ZNF385D: variants seen among roughly 807,000 people sequenced by gnomAD.
The protein encoded by ZNF385D is zinc finger protein 659.
Under a neutral mutation model 35.8 loss-of-function variants are expected in ZNF385D, and 15 were observed. The ratio of observed to expected loss-of-function variants is 0.42; its 90% CI spans 0.28 to 0.64. The LOEUF is 0.64. ZNF385D is among the 30% of genes least tolerant of loss of function. The pLI is 0.23. For missense variants in ZNF385D, 474 were observed against 494.6 expected (o/e 0.96, Z 0.39); for synonymous variants, 212 against 186.8 (o/e 1.13, Z -1.10).
chr3:22,208,089 A>G (rs1453327457), intron 2 of ZNF385D, among the ~76,000 whole-genome samples: 2 of 151,976 alleles, frequency 1.3e-5, no homozygotes, highest in African/African-American at 4.8e-5. Context: ...CATGTACACA[A>G]AAGAAAAGAA....
At chr3:21,956,961 C>T (rs1702322879) in intron 3 of ZNF385D, among the ~76,000 whole-genome samples, 1 of 151,936 alleles carries the variant, frequency 6.6e-6, no homozygotes, top group African/African-American at 2.4e-5. Context: ...TTGTATCTCC[C>T]AGAATTCCGA....
intron 5 of ZNF385D, among the ~76,000 whole-genome samples, chr3:21,428,382 C>T (rs1179456099): frequency 6.6e-6 from 1 of 152,016 alleles, no homozygotes; most frequent in Non-Finnish European, 1.5e-5. Context: ...GGTCACAAAG[C>T]AAGCATTACT....
chr3:21,915,266 T>C (rs933997126), intron 3 of ZNF385D, among the ~76,000 whole-genome samples: 1 of 152,114 alleles, frequency 6.6e-6, no homozygotes, highest in African/African-American at 2.4e-5. Context: ...ACTACAGAAC[T>C]GCTGACACTA....
At chr3:22,206,906 T>G (rs1697194326) in intron 2 of ZNF385D, among the ~76,000 whole-genome samples, 1 of 151,302 alleles carries the variant, frequency 6.6e-6, no homozygotes, top group African/African-American at 2.4e-5. Flanking sequence ...AACAAAGAAA[T>G]AAAGATCAGC....
intron 2 of ZNF385D, among the ~76,000 whole-genome samples, chr3:22,233,376 A>G (rs530199317): frequency 9.7e-4 from 148 of 152,284 alleles, no homozygotes; most frequent in African/African-American, 3.3e-3. Flanking sequence ...AGAAAATCCA[A>G]TCTGTAATGA....
At chr3:22,244,426 ATC>A (rs1247991531) in intron 2 of ZNF385D, among the ~76,000 whole-genome samples, 17 of 149,810 alleles carry the variant, frequency 1.1e-4, no homozygotes, top group African/African-American at 3.7e-4. Flanking sequence ...TAAAATAAAT[ATC>A]AAGTATATTC....
chr3:21,780,053 T>C (rs1156866335), intron 3 of ZNF385D, among the ~76,000 whole-genome samples: 1 of 151,936 alleles, frequency 6.6e-6, no homozygotes, highest in Non-Finnish European at 1.5e-5. Flanking sequence ...CTTTCAGGAT[T>C]TGACTAGCAA....
intron 3 of ZNF385D, among the ~76,000 whole-genome samples, chr3:21,896,896 C>T (rs1028267308): frequency 6.6e-6 from 1 of 151,436 alleles, no homozygotes; most frequent in Admixed American, 6.6e-5. Flanking sequence ...GGCCAAGACA[C>T]AGACTTCTAG....
At position 22,267,255 on chromosome 3, in the gene ZNF385D, G is replaced by A. The variant is rs138536985; in HGVS notation, c.107-98220C>T. The stretch of plus-strand genomic sequence containing the variant: ...GGTTTCAAAAGATAAATAACATACA[G>A]AGTATAAACCAATCTAAAATTTAGG... On this transcript the variant is annotated intron_variant, in intron 2 of 5. Coordinates refer to the ZNF385D transcript ENST00000494108. 1.6e-4 allele frequency among the ~76,000 whole-genome samples: 24 copies of A among 151,922 alleles called. No individual in the cohort carries two copies. The East Asian group carries it at 4.1e-3, about 26-fold the overall frequency.
At chr3:21,978,646 C>T (rs1165786041) in intron 3 of ZNF385D, among the ~76,000 whole-genome samples, 1 of 152,166 alleles carries the variant, frequency 6.6e-6, no homozygotes, top group Non-Finnish European at 1.5e-5. Context: ...TATTCAATTA[C>T]TCTTTTATGA....
Position 21,880,119 on chromosome 3 carries a change from C to CT in ZNF385D, c.326-215092dup, listed in dbSNP as rs1289704658. Reference sequence around the variant, plus strand: ...TGACATTATGGTTTCCTACCTTGGCCTTTTTTAAAGGTTCCAGAAGCATAA... The same window carrying CT: ...TGACATTATGGTTTCCTACCTTGGCCTTTTTTTAAAGGTTCCAGAAGCATAA... On this transcript the variant is annotated intron_variant, in intron 3 of 5. Transcript: ENST00000494108. 4.0e-5 allele frequency among the ~76,000 whole-genome samples: 6 copies of CT among 151,864 alleles called. No individual in the cohort carries two copies. The South Asian group carries it at 6.2e-4, about 16-fold the overall frequency.
At chr3:21,889,769 A>G (rs999699058) in intron 3 of ZNF385D, among the ~76,000 whole-genome samples, 7 of 152,144 alleles carry the variant, frequency 4.6e-5, no homozygotes, top group Non-Finnish European at 7.3e-5. Flanking sequence ...TGGCTTAGAA[A>G]CAGAAATATA....
intron 3 of ZNF385D, among the ~76,000 whole-genome samples, chr3:22,101,283 G>T (rs990257784): frequency 6.6e-6 from 1 of 151,906 alleles, no homozygotes; most frequent in Non-Finnish European, 1.5e-5. Flanking sequence ...TATATAAAGG[G>T]CTATAAGTAA....
chr3:21,942,945 G>A (rs775197495), intron 3 of ZNF385D, among the ~76,000 whole-genome samples: 2 of 152,158 alleles, frequency 1.3e-5, no homozygotes, highest in Non-Finnish European at 2.9e-5. Flanking sequence ...TGCCTTGTAA[G>A]ATGTTATAAC....
intron 2 of ZNF385D, among the ~76,000 whole-genome samples, chr3:22,353,797 A>G (rs1001969094): frequency 6.6e-6 from 1 of 151,990 alleles, no homozygotes; most frequent in Non-Finnish European, 1.5e-5. Context: ...ACACTTTCCT[A>G]TTAACTGAGC....
chr3:21,421,292 C>CGGAGGAA lies in ZNF385D; in HGVS notation c.1109_1110insTTCCTCC (p.Leu371SerfsTer32). ...CTGGCCGCAGGAGTGCCGGAGGAAGCGCGGAAGTCTGGAACAGTGTTGCTG... is the reference window on the plus strand; with the variant it reads ...CTGGCCGCAGGAGTGCCGGAGGAAGCGGAGGAAGCGGAAGTCTGGAACAGTGTTGCTG... On this transcript the variant is annotated frameshift_variant, in exon 8 of 8. Coordinates refer to ENST00000281523, the MANE Select transcript of ZNF385D (RefSeq NM_024697.3). LOFTEE classifies it high-confidence loss of function. The CGGAGGAA allele has an allele frequency of 1.2e-6, 2 of 1,614,000 alleles. No individual in the cohort carries two copies. Among genetic ancestry groups the CGGAGGAA allele is most frequent in the South Asian group, 2.2e-5 (2 of 91,064 alleles).
chr3:22,185,994 G>A (rs1268287942), intron 2 of ZNF385D, among the ~76,000 whole-genome samples: 1 of 152,108 alleles, frequency 6.6e-6, no homozygotes, highest in Admixed American at 6.6e-5. Flanking sequence ...GCTTGTTTTA[G>A]TTCAACTTTT....
Position 22,172,208 on chromosome 3 carries a change from C to G in ZNF385D, c.107-3173G>C, listed in dbSNP as rs929504946. Reference sequence around the variant, plus strand: ...CTTAATACAGTAATGTAGGTATAGACAGCACTATTTAACATGTTCAAGAAC... The same window carrying G: ...CTTAATACAGTAATGTAGGTATAGAGAGCACTATTTAACATGTTCAAGAAC... On this transcript the variant is annotated intron_variant, in intron 2 of 5. Transcript: ENST00000494108. Among the ~76,000 whole-genome samples, 9 of 152,106 alleles carry G rather than the reference C, an allele frequency of 5.9e-5. No individual in the cohort carries two copies. In the South Asian group the frequency reaches 1.4e-3, roughly 24 times the overall value.
intron 2 of ZNF385D, among the ~76,000 whole-genome samples, chr3:22,330,311 T>C (rs945438094): frequency 2.6e-5 from 4 of 152,198 alleles, no homozygotes; most frequent in Non-Finnish European, 5.9e-5. Context: ...ATCAACTTTA[T>C]CCAGGGTAAA....
Sources: allele counts gnomAD v4.1 joint callset (sites outside exome capture counted in the v4.1 genomes callset), GRCh38; gene constraint gnomAD v4.1.1; transcripts MANE v1.5; gene names NCBI Gene and HGNC (gene_info 2026-07-23, HGNC 2026-07-21).